Variants in SOX6 observed in about 807,000 individuals in gnomAD.
The protein encoded by SOX6 is transcription factor SOX-6.
SOX6 carries 11 observed loss-of-function variants against 97.8 expected under a neutral mutation model. The observed-to-expected ratio is 0.11, with a 90% CI of 0.07 to 0.19. SOX6 has a LOEUF of 0.19. Ranked by LOEUF, SOX6 falls within the 10% of genes least tolerant of loss-of-function variation. The pLI, the probability that SOX6 is intolerant of heterozygous loss-of-function variation, is 1.00. For missense variants in SOX6, 810 were observed against 1,039.5 expected (o/e 0.78, Z 3.04); for synonymous variants, 360 against 371.4 (o/e 0.97, Z 0.35).
chr11:16,409,934 C>A (rs1191113476), intron 1 of SOX6, among the ~76,000 whole-genome samples: 1 of 152,054 alleles, frequency 6.6e-6, no homozygotes, highest in Non-Finnish European at 1.5e-5. Flanking sequence ...ACCACATGTT[C>A]TCCCTTATAT....
At chr11:16,479,433 G>GGATT (rs1860305898), upstream of SOX6, among the ~76,000 whole-genome samples, 1 of 151,508 alleles carries the variant, frequency 6.6e-6, no homozygotes, top group Non-Finnish European at 1.5e-5. Context: ...AGGAGGCTGA[G>GGATT]ACATGAGAAT....
intron 13 of SOX6, among the ~76,000 whole-genome samples, chr11:15,994,384 C>G (rs1231626304): frequency 2.9e-5 from 4 of 136,584 alleles, no homozygotes; most frequent in African/African-American, 1.1e-4. Context: ...AAAAAAAAAG[C>G]AAAGGACATT....
At chr11:16,620,308 C>T (rs889010637) in intron 3 of SOX6, among the ~76,000 whole-genome samples, 1 of 152,206 alleles carries the variant, frequency 6.6e-6, no homozygotes, top group Non-Finnish European at 1.5e-5. Context: ...TATCCATTAA[C>T]GTTTAAGAAA....
rs1855217101 is a variant in SOX6 at position 16,300,187 on chromosome 11, A to C, written c.445+18259T>G. Among the ~76,000 whole-genome samples, 1 of 152,144 alleles carries C rather than the reference A, an allele frequency of 6.6e-6. No individual in the cohort carries two copies. Among genetic ancestry groups the C allele is most frequent in the South Asian group, 2.1e-4 (1 of 4,828 alleles). ...AGTACTTGGGGTGTCTAATGGCCAC[A>C]ATACAAAGTTGTTCAAATTATTTCT... is the stretch of plus-strand genomic sequence containing the variant. On this transcript the variant is annotated intron_variant, in intron 3 of 15. Transcript: ENST00000683767. This position sits in a 1 kb window ranked among gnomAD's most constrained non-coding sequence, Gnocchi z 4.1.
At chr11:16,093,175 G>C (rs1225272327) in intron 9 of SOX6, among the ~76,000 whole-genome samples, 1 of 151,808 alleles carries the variant, frequency 6.6e-6, no homozygotes, top group African/African-American at 2.4e-5. Flanking sequence ...TTGTTCCCAG[G>C]GTTTAATAAA....
intron 2 of SOX6, among the ~76,000 whole-genome samples, chr11:16,717,076 A>G (rs963468069): frequency 1.2e-4 from 18 of 152,178 alleles, no homozygotes; most frequent in African/African-American, 4.3e-4. Flanking sequence ...ATCAAAAAAT[A>G]AAATCTGTGG....
intron 3 of SOX6, among the ~76,000 whole-genome samples, chr11:16,249,921 CT>C (rs1391698956): frequency 6.6e-6 from 1 of 152,144 alleles, no homozygotes. Flanking sequence ...TAGAATATTA[CT>C]TTTTAAAAGG....
chr11:16,015,305 T>G, intron 12 of SOX6: 1 of 519,060 alleles, frequency 1.9e-6, no homozygotes, highest in Non-Finnish European at 3.5e-6. Context: ...TCTATGCATA[T>G]CTTCTCTCTG....
At chr11:16,518,406 T>C (rs906816959) in intron 4 of SOX6, among the ~76,000 whole-genome samples, 4 of 152,254 alleles carry the variant, frequency 2.6e-5, no homozygotes, top group Non-Finnish European at 5.9e-5. Flanking sequence ...TTCTTTAGCA[T>C]AATGATAGCA....
In SOX6 at chr11:16,623,145, C is replaced by T. The variant is rs963893386; in HGVS notation, n.430-10885G>A. Among the ~76,000 whole-genome samples, 47 of 151,940 alleles carry T rather than the reference C, an allele frequency of 3.1e-4. 2 individuals are homozygous for T. Among genetic ancestry groups the T allele is most frequent in the Admixed American group, 2.8e-3 (42 of 15,256 alleles). The stretch of plus-strand genomic sequence containing the variant: ...AAGCAGTTCTCCCACCTCAGCCTCT[C>T]GGGTAGCTGGGATTACAGGGGCGCG... On this transcript the variant is annotated intron_variant and non_coding_transcript_variant, in intron 3 of 5. Transcript: ENST00000524520.
chr11:16,275,285 C>CAAAA (rs869208945), intron 3 of SOX6, among the ~76,000 whole-genome samples: 2 of 123,062 alleles, frequency 1.6e-5, no homozygotes, highest in South Asian at 2.6e-4. Flanking sequence ...ACCAAAAATA[C>CAAAA]AAAAAAAAAA....
At chr11:16,185,213 G>A (rs1207314852) in intron 5 of SOX6, among the ~76,000 whole-genome samples, 1 of 152,168 alleles carries the variant, frequency 6.6e-6, no homozygotes, top group Non-Finnish European at 1.5e-5. Flanking sequence ...TACAGTGTGA[G>A]AAATGAGACT....
At chr11:16,585,359 T>C (rs901841344) in intron 4 of SOX6, among the ~76,000 whole-genome samples, 1 of 152,226 alleles carries the variant, frequency 6.6e-6, no homozygotes, top group African/African-American at 2.4e-5. Context: ...TAAGCACTTA[T>C]ATGTACTCAT....
At chr11:16,443,979 C>A (rs924399496) in intron 1 of SOX6, among the ~76,000 whole-genome samples, 1 of 143,890 alleles carries the variant, frequency 6.9e-6, no homozygotes, top group African/African-American at 2.6e-5. Flanking sequence ...TGCCACTGCA[C>A]TCCAGCCTGG....
Position 16,528,796 on chromosome 11 carries a change from G to A in SOX6, n.610-52408C>T, listed in dbSNP as rs550587880. Among the ~76,000 whole-genome samples, 10 of 152,220 alleles carry A rather than the reference G, an allele frequency of 6.6e-5. No individual in the cohort carries two copies. In the South Asian group the frequency reaches 2.1e-3, roughly 32 times the overall value. Reference sequence around the variant, plus strand: ...GCAAGAGCACTTTCAAAAATAGCTTGCCTCAGGGGAAAACTTTTTAGACTC... The same window carrying A: ...GCAAGAGCACTTTCAAAAATAGCTTACCTCAGGGGAAAACTTTTTAGACTC... On this transcript the variant is annotated intron_variant and non_coding_transcript_variant, in intron 4 of 5. Coordinates refer to the SOX6 transcript ENST00000524520.
At chr11:16,457,421 C>T (rs978059323) in intron 1 of SOX6, among the ~76,000 whole-genome samples, 2 of 152,058 alleles carry the variant, frequency 1.3e-5, no homozygotes, top group African/African-American at 4.8e-5. Flanking sequence ...AAGCATTTTT[C>T]CTTTCCTCAT....
chr11:16,692,094 C>T (rs148636262), intron 3 of SOX6, among the ~76,000 whole-genome samples: 69,918 of 133,618 alleles, frequency 0.52, 18,355 homozygotes, highest in Non-Finnish European at 0.62. Flanking sequence ...TGTGTGCGCG[C>T]GCGCGCTTTC....
chr11:16,095,566 T>C (rs1848775610), intron 9 of SOX6, among the ~76,000 whole-genome samples: 1 of 151,950 alleles, frequency 6.6e-6, no homozygotes, highest in African/African-American at 2.4e-5. Flanking sequence ...ACTTAACCTC[T>C]CCAAACCTCA....
chr11:16,033,220 G>C (rs530707758), intron 12 of SOX6, among the ~76,000 whole-genome samples: 2 of 152,300 alleles, frequency 1.3e-5, no homozygotes, highest in Admixed American at 1.3e-4. Context: ...AAGGGAACCA[G>C]AAGAATATTT....
Sources: gnomAD v4.1 joint callset for allele counts (sites outside exome capture counted in the v4.1 genomes callset) on GRCh38, gnomAD v4.1.1 for gene constraint, Gnocchi (gnomAD v3.1) non-coding constraint, MANE v1.5 for transcripts, NCBI Gene and HGNC (gene_info 2026-07-23, HGNC 2026-07-21) for gene names.